The following ZNF605 variants were observed in gnomAD, a reference collection of about 807,000 sequenced individuals.
ZNF605 encodes the protein zinc finger protein 605.
Under a neutral mutation model 7.9 loss-of-function variants are expected in ZNF605, and 9 were observed. The observed-to-expected ratio is 1.14, with a 90% CI of 0.68 to 1.98. The LOEUF is 1.98. ZNF605 is among the 30% of genes most tolerant of loss of function. The probability of loss-of-function intolerance (pLI) is 0.00; values close to 1 mark genes in which losing one functional copy is unlikely to be tolerated. For missense variants in ZNF605, 673 were observed against 762.4 expected (o/e 0.88, Z 1.38); for synonymous variants, 255 against 260.1 (o/e 0.98, Z 0.19).
At position 132,927,015 on chromosome 12, in the gene ZNF605, C is replaced by T; in HGVS notation, c.284G>A (p.Cys95Tyr). ...TTTCAAACTTTTTTCTCCTGTGCCA[C>T]ATTTATGGGATCGCAGTCCTACATG... ...IVHVGLRSHK[C>Y]GTGEKSLKCP... Residue 95 changes from cysteine (C) to tyrosine (Y), a missense_variant, in exon 5 of 5, where the codon TGT (cysteine) becomes TAT (tyrosine). Physicochemically the swap from Cys to Tyr is radical, Grantham distance 194. Coordinates refer to ENST00000360187, the MANE Select transcript of ZNF605 (RefSeq NM_183238.4). 2 of 1,611,138 alleles carry T rather than the reference C, an allele frequency of 1.2e-6. No homozygotes were observed. Among genetic ancestry groups the T allele is most frequent in the East Asian group, 2.2e-5 (1 of 44,880 alleles).
Position 132,924,272 on chromosome 12 carries a change from C to T in ZNF605, c.*1101G>A, listed in dbSNP as rs1270200868. 1 of 152,196 alleles carries T rather than the reference C, an allele frequency of 6.6e-6. No homozygotes were observed. Among genetic ancestry groups the T allele is most frequent in the Admixed American group, 6.6e-5 (1 of 15,266 alleles). 9.4% of individuals were successfully genotyped at this position (152,196 alleles called of 1,614,324 possible). Reference sequence around the variant, plus strand: ...AATCTAGAGTTAATTAGCTGCACTACTAAAACAAAACCTTTCTGAGAATTC... The same window carrying T: ...AATCTAGAGTTAATTAGCTGCACTATTAAAACAAAACCTTTCTGAGAATTC... On this transcript the variant is annotated 3_prime_UTR_variant, in exon 5 of 5. Coordinates refer to ENST00000360187, the MANE Select transcript of ZNF605 (RefSeq NM_183238.4).
rs1344010494 is a variant in ZNF605, at chr12:132,919,356, C to A, written c.*6017G>T. ...AAAGTCCTGGGATTGCAGGCATGAG[C>A]CACCACATCTGGCCAGTAATGCCTT... On this transcript the variant is annotated 3_prime_UTR_variant, in exon 5 of 5. Transcript: ENST00000360187. The A allele has an allele frequency of 6.6e-6, 1 of 151,892 alleles. No individual in the cohort carries two copies. The highest frequency in any genetic ancestry group is 1.5e-5 in the Non-Finnish European group (1 of 68,274). The allele number at this position is 151,892 out of a possible 1,614,324, so 9.4% of individuals were successfully genotyped here.
At position 132,933,150 on chromosome 12, in the gene ZNF605, T is replaced by C. The variant is rs1952323762; in HGVS notation, c.21A>G (p.Ser7=). MIQSQI[S]FEDVAVDFTL... The stretch of plus-strand genomic sequence containing the variant: ...TGAAATCCACAGCCACATCCTCAAA[T>C]GATATCTGGAAAAGCATAATCCCTG... Residue 7 remains serine, a synonymous_variant, in exon 4 of 5, where the codon TCA becomes TCG. Coordinates refer to ENST00000360187, the MANE Select transcript of ZNF605 (RefSeq NM_183238.4). The surrounding 1 kb of genome is among the most constrained non-coding windows in gnomAD (Gnocchi z 4.4). The C allele has an allele frequency of 1.2e-6, 2 of 1,606,870 alleles. No homozygotes were observed. Among genetic ancestry groups the C allele is most frequent in the African/African-American group, 2.7e-5 (2 of 74,626 alleles).
rs1178385588 is a variant in ZNF605, at chr12:132,926,622, C to G, written c.677G>C (p.Gly226Ala). The G allele has an allele frequency of 1.9e-6, 3 of 1,614,022 alleles. No individual in the cohort carries two copies. The highest frequency in any genetic ancestry group is 2.5e-6 in the Non-Finnish European group (3 of 1,180,030). ...QRTHSGEKPHGCSECQKAFSR... is the reference protein window; with the variant it reads ...QRTHSGEKPHACSECQKAFSR... ...AAAAGCTTTCTGACATTCGCTGCAC[C>G]CATGCGGTTTTTCTCCTGAGTGAGT... The change falls in exon 5 of 5, where the codon GGG (glycine) becomes GCG (alanine). Residue 226 changes from glycine to alanine, a missense_variant. Coordinates refer to ENST00000360187, the MANE Select transcript of ZNF605 (RefSeq NM_183238.4).
chr12:132,954,071 G>A (rs1952604066), intron 1 of ZNF605, among the ~76,000 whole-genome samples: 1 of 151,620 alleles, frequency 6.6e-6, no homozygotes, highest in Admixed American at 6.6e-5. Context: ...ATGTACACTG[G>A]ACCCTTTATT....
intron 1 of ZNF605, among the ~76,000 whole-genome samples, chr12:132,954,930 CAAACACAAGCACAG>C: frequency 6.6e-6 from 1 of 152,140 alleles, no homozygotes; most frequent in South Asian, 2.1e-4. Context: ...ATAAGATCCC[CAAACACAAGCACAG>C]AAACAAACCC....
At chr12:132,929,792 A>G (rs1418588597) in intron 4 of ZNF605, among the ~76,000 whole-genome samples, 1 of 151,992 alleles carries the variant, frequency 6.6e-6, no homozygotes, top group Non-Finnish European at 1.5e-5. Context: ...TAAAAATACA[A>G]CAAATAGCTG....
intron 3 of ZNF605, among the ~76,000 whole-genome samples, chr12:132,943,757 G>C (rs979838536): frequency 6.6e-6 from 1 of 150,536 alleles, no homozygotes; most frequent in Admixed American, 6.6e-5. Context: ...TGAGGGCAAA[G>C]AGACAATCCC....
At chr12:132,931,346 C>T (rs982840853) in intron 4 of ZNF605, among the ~76,000 whole-genome samples, 39 of 152,202 alleles carry the variant, frequency 2.6e-4, no homozygotes, top group African/African-American at 9.2e-4. Context: ...ACACAGACTA[C>T]GTTACTGGCA....
Position 132,926,482 on chromosome 12 carries a change from T to C in ZNF605, c.817A>G (p.Ile273Val), listed in dbSNP as rs1952249031. ...TAGGGTTTCTCTATTGTGTGCGTTA[T>C]CTGATGTCTTTTAAGCTGCGACTTC... Reference protein sequence around the residue: ...SRKSQLKRHQITHTIEKPYSC... With the variant: ...SRKSQLKRHQVTHTIEKPYSC... Residue 273 changes from isoleucine (I) to valine (V), a missense_variant, in exon 5 of 5, where the codon ATA becomes GTA. Ile to Val is a conservative substitution (Grantham distance 29). Transcript: ENST00000360187. The C allele has an allele frequency of 6.2e-7, 1 of 1,614,098 alleles. No homozygotes were observed. Among genetic ancestry groups the C allele is most frequent in the African/African-American group, 1.3e-5 (1 of 74,920 alleles).
At chr12:132,929,860 G>A (rs746710488) in intron 4 of ZNF605, among the ~76,000 whole-genome samples, 7 of 152,142 alleles carry the variant, frequency 4.6e-5, no homozygotes, top group African/African-American at 1.7e-4. Context: ...CAGGAGAATC[G>A]CTTGAACCCG....
At chr12:132,947,234 C>T (rs959188079) in intron 2 of ZNF605, among the ~76,000 whole-genome samples, 6 of 152,122 alleles carry the variant, frequency 3.9e-5, no homozygotes, top group Non-Finnish European at 5.9e-5. Flanking sequence ...AGGCTAGTCT[C>T]GAACTCCTGA....
In ZNF605 at chr12:132,936,005, G is replaced by A. The variant is rs1224582518; in HGVS notation, c.16-2850C>T. Among the ~76,000 whole-genome samples the A allele has an allele frequency of 5.5e-4, 84 of 151,804 alleles. 1 individual carries two copies. The South Asian group carries it at 9.6e-3, about 17-fold the overall frequency. On this transcript the variant is annotated intron_variant, in intron 3 of 4. Coordinates refer to ENST00000360187, the MANE Select transcript of ZNF605 (RefSeq NM_183238.4). Reference sequence around the variant, plus strand: ...GAACCCAGGAGGTGGAGCTTGCAGTGAGCCGAGATGGCGCTACTGCACTCC... The same window carrying A: ...GAACCCAGGAGGTGGAGCTTGCAGTAAGCCGAGATGGCGCTACTGCACTCC...
chr12:132,929,041 A>AAC (rs1271120405), intron 4 of ZNF605, among the ~76,000 whole-genome samples: 500 of 19,976 alleles, frequency 0.025, 4 homozygotes, highest in Middle Eastern at 0.12. Flanking sequence ...AAACAAAACA[A>AAC]AACAAAAAAA....
intron 1 of ZNF605, among the ~76,000 whole-genome samples, chr12:132,954,988 G>C (rs1952620609): frequency 6.6e-6 from 1 of 152,066 alleles, no homozygotes; most frequent in East Asian, 1.9e-4. Flanking sequence ...CCCCATACTC[G>C]CCTCCGCTAT....
rs962964126 is a variant in ZNF605, at chr12:132,942,869, A to G, written c.15+2752T>C. Reference sequence around the variant, plus strand: ...AACTGCCGAGGTGACTGCTGAGGCCATGTTCAGTCCTCCGGGCCCGACCAT... The same window carrying G: ...AACTGCCGAGGTGACTGCTGAGGCCGTGTTCAGTCCTCCGGGCCCGACCAT... On this transcript the variant is annotated intron_variant, in intron 3 of 4. Coordinates refer to ENST00000360187, the MANE Select transcript of ZNF605 (RefSeq NM_183238.4). 4.2e-3 allele frequency among the ~76,000 whole-genome samples: 643 copies of G among 152,294 alleles called. 3 individuals carry two copies. Among genetic ancestry groups the G allele is most frequent in the African/African-American group, 0.011 (468 of 41,556 alleles).
At position 132,925,283 on chromosome 12, in the gene ZNF605, A is replaced by G. The variant is rs1952235431; in HGVS notation, c.*90T>C. ...AGCTTTTTCAACAGTCACTGCCTCA[A>G]TAGGGTTTCTCTCCCACATGCATCC... On this transcript the variant is annotated 3_prime_UTR_variant, in exon 5 of 5. Transcript: ENST00000360187. 7 of 936,884 alleles carry G rather than the reference A, an allele frequency of 7.5e-6. No homozygotes were observed. Among genetic ancestry groups the G allele is most frequent in the East Asian group, 2.6e-5 (1 of 39,090 alleles). 58.0% of individuals were successfully genotyped at this position (936,884 alleles called of 1,614,324 possible). A position where few individuals can be genotyped will look rare whatever the true frequency, so the allele number is the denominator to read the frequency against.
chr12:132,933,076 CT>C lies in ZNF605; in HGVS notation c.94del (p.Arg32GlufsTer3). ...GCTATAGTTCTCCAACATCACATCT[CT>C]GTACAAGTTCTTCTGAGTAGGATTA... ...LLNPTQKNLY[R>X]DVMLENYSNL... is the part of the protein sequence containing the mutation. On this transcript the variant is annotated frameshift_variant, in exon 4 of 5. Transcript: ENST00000360187. LOFTEE classifies it low-confidence loss of function (END_TRUNC). This position sits in a 1 kb window ranked among gnomAD's most constrained non-coding sequence, Gnocchi z 4.4. 1 of 1,611,334 alleles carries C rather than the reference CT, an allele frequency of 6.2e-7. No individual in the cohort carries two copies. Among genetic ancestry groups the C allele is most frequent in the Non-Finnish European group, 8.5e-7 (1 of 1,178,356 alleles).
At position 132,920,757 on chromosome 12, in the gene ZNF605, A is replaced by G. The variant is rs939936277; in HGVS notation, c.*4616T>C. The G allele has an allele frequency of 6.6e-6, 1 of 152,122 alleles. No individual in the cohort carries two copies. The highest frequency in any genetic ancestry group is 2.4e-5 in the African/African-American group (1 of 41,390). 9.4% of individuals were successfully genotyped at this position (152,122 alleles called of 1,614,324 possible). A position where few individuals can be genotyped will look rare whatever the true frequency, so the allele number is the denominator to read the frequency against. On this transcript the variant is annotated 3_prime_UTR_variant, in exon 5 of 5. Coordinates refer to ENST00000360187, the MANE Select transcript of ZNF605 (RefSeq NM_183238.4). ...CCCATCATGGCTCACTGCAGCCTTG[A>G]ACTCCTGGGCTCAAGTGACCCTTCT...
Sources: allele counts gnomAD v4.1 joint callset (sites outside exome capture counted in the v4.1 genomes callset), GRCh38; gene constraint gnomAD v4.1.1; non-coding constraint Gnocchi (gnomAD v3.1); transcripts MANE v1.5; gene names NCBI Gene and HGNC (gene_info 2026-07-23, HGNC 2026-07-21).